The following CYB5RL variants were observed in gnomAD, a reference collection of about 807,000 sequenced individuals.
CYB5RL encodes NADH-cytochrome b5 reductase-like.
In CYB5RL, 38 loss-of-function variants were observed where a neutral mutation model predicts 37.5. The observed-to-expected ratio is 1.01, with a 90% CI of 0.78 to 1.33. CYB5RL has a LOEUF of 1.33. CYB5RL is among the 40% of genes most tolerant of loss of function. The pLI, the probability that CYB5RL is intolerant of heterozygous loss-of-function variation, is 0.00. For missense variants in CYB5RL, 388 were observed against 394.4 expected (o/e 0.98, Z 0.14); for synonymous variants, 141 against 151.9 (o/e 0.93, Z 0.53).
In CYB5RL at chr1:54,172,333, A is replaced by ATTTTTT. The variant is rs202061876; in HGVS notation, c.*2285_*2286insAAAAAA. The ATTTTTT allele has an allele frequency of 2.6e-5, 2 of 77,946 alleles. No homozygotes were observed. Among genetic ancestry groups the ATTTTTT allele is most frequent in the East Asian group, 3.9e-4 (1 of 2,542 alleles). 4.8% of individuals were successfully genotyped at this position (77,946 alleles called of 1,614,324 possible). On this transcript the variant is annotated 3_prime_UTR_variant, in exon 8 of 8. Coordinates refer to ENST00000534324, the MANE Select transcript of CYB5RL (RefSeq NM_001031672.4). ...AGGCGCATACCACCACATAAGGTTA[A>ATTTTTT]TCTTTTTTTTTTTTTTTTTTTTGTA...
chr1:54,171,387 G>T lies in CYB5RL; in HGVS notation c.*3232C>A. On this transcript the variant is annotated 3_prime_UTR_variant, in exon 8 of 8. Coordinates refer to ENST00000534324, the MANE Select transcript of CYB5RL (RefSeq NM_001031672.4). ...ACAGGGAAGGATTTCAAGCAGGGGA[G>T]TGACAGGCTTGGATTTGTGTGTGGG... 2.2e-6 allele frequency: 1 copy of T among 456,398 alleles called. No individual in the cohort carries two copies. Among genetic ancestry groups the T allele is most frequent in the Non-Finnish European group, 4.4e-6 (1 of 226,814 alleles). The allele number at this position is 456,398 out of a possible 1,614,324, so 28.3% of individuals were successfully genotyped here. A position where few individuals can be genotyped will look rare whatever the true frequency, so the allele number is the denominator to read the frequency against.
In CYB5RL at chr1:54,179,256, C is replaced by T; in HGVS notation, c.637G>A (p.Val213Ile). 1 of 1,613,846 alleles carries T rather than the reference C, an allele frequency of 6.2e-7. No homozygotes were observed. Among genetic ancestry groups the T allele is most frequent in the Non-Finnish European group, 8.5e-7 (1 of 1,179,846 alleles). Residue 213 changes from valine (V) to isoleucine (I), a missense_variant, in exon 7 of 8, where the codon GTC becomes ATC. Coordinates refer to ENST00000534324, the MANE Select transcript of CYB5RL (RefSeq NM_001031672.4). ...ITDNENDETF[V>I]TLVGCFKTFE... ...GTCTTGAAGCAACCGACCAGAGTGA[C>T]AAAAGTCTCGTCATTCTCATTGTCT...
At chr1:54,197,847 C>A (rs371222937) in intron 1 of CYB5RL, among the ~76,000 whole-genome samples, 1 of 151,724 alleles carries the variant, frequency 6.6e-6, no homozygotes, top group East Asian at 1.9e-4. Context: ...CGGTGAAACC[C>A]CGTCTCTGCT....
chr1:54,197,543 C>T (rs541642279), intron 1 of CYB5RL, among the ~76,000 whole-genome samples: 1 of 152,172 alleles, frequency 6.6e-6, no homozygotes, highest in South Asian at 2.1e-4. Context: ...CTGTGAAGGG[C>T]ATCTATGCAT....
Position 54,195,646 on chromosome 1 carries a change from A to G in CYB5RL, c.-30T>C. ...GGGGCTTGGGCAGCCTAGAAGGAAC[A>G]ACTGGGTGCTCTTCCAGAACAGGCC... is the stretch of plus-strand genomic sequence containing the variant. On this transcript the variant is annotated 5_prime_UTR_variant, in exon 3 of 8. Transcript: ENST00000534324. 6.4e-7 allele frequency: 1 copy of G among 1,574,460 alleles called. No individual in the cohort carries two copies. Among genetic ancestry groups the G allele is most frequent in the East Asian group, 2.3e-5 (1 of 44,326 alleles).
chr1:54,180,053 G>A (rs548484131), intron 6 of CYB5RL: 18 of 451,058 alleles, frequency 4.0e-5, no homozygotes, highest in African/African-American at 2.2e-4. Context: ...CGAGACCAAC[G>A]TGGCAAAACT....
In CYB5RL at chr1:54,190,863, C is replaced by A; in HGVS notation, c.232G>T (p.Val78Leu). 1 of 1,611,310 alleles carries A rather than the reference C, an allele frequency of 6.2e-7. No homozygotes were observed. Among genetic ancestry groups the A allele is most frequent in the Non-Finnish European group, 8.5e-7 (1 of 1,178,916 alleles). Residue 78 changes from valine (V) to leucine (L), a missense_variant, in exon 4 of 8, where the codon GTG (valine) becomes TTG (leucine). Coordinates refer to ENST00000534324, the MANE Select transcript of CYB5RL (RefSeq NM_001031672.4). ...CPSKLNPETF[V>L]AFCIIAMDRL... Reference sequence around the variant, plus strand: ...TCCATGGCAATGATGCAGAAGGCCACGAAGGTCTCTGGGTTCAGCTTGGAG... The same window carrying A: ...TCCATGGCAATGATGCAGAAGGCCAAGAAGGTCTCTGGGTTCAGCTTGGAG...
intron 3 of CYB5RL, among the ~76,000 whole-genome samples, chr1:54,193,709 T>A (rs1379606625): frequency 6.6e-6 from 1 of 152,040 alleles, no homozygotes; most frequent in Non-Finnish European, 1.5e-5. Flanking sequence ...GTACAGTGGC[T>A]CACACCTATA....
intron 4 of CYB5RL, among the ~76,000 whole-genome samples, chr1:54,189,215 T>C (rs1384576212): frequency 6.6e-6 from 1 of 152,100 alleles, no homozygotes. Flanking sequence ...AATAAATGCA[T>C]ATGAAACAAA....
chr1:54,174,947 C>T (rs552715682), intron 7 of CYB5RL, 125 bp from the exon 8 acceptor site: 2 of 908,988 alleles, frequency 2.2e-6, no homozygotes, highest in Non-Finnish European at 3.3e-6. Flanking sequence ...AACCTATATC[C>T]AGGCCCACCA....
chr1:54,192,102 C>A (rs1189401253), intron 3 of CYB5RL, among the ~76,000 whole-genome samples: 3 of 151,482 alleles, frequency 2.0e-5, no homozygotes, highest in Non-Finnish European at 4.4e-5. Flanking sequence ...ATTATTGCTT[C>A]ATTAAAAGTT....
At chr1:54,178,492 G>A (rs1660076772) in intron 7 of CYB5RL, among the ~76,000 whole-genome samples, 1 of 152,150 alleles carries the variant, frequency 6.6e-6, no homozygotes, top group Non-Finnish European at 1.5e-5. Context: ...CTAACCTATG[G>A]GGGTGGCCCC....
intron 5 of CYB5RL, among the ~76,000 whole-genome samples, chr1:54,187,138 G>T (rs11810936): frequency 0.014 from 2,115 of 152,044 alleles, 52 homozygotes; most frequent in African/African-American, 0.048. Flanking sequence ...CCTATTCCTT[G>T]GGTCTCCAGG....
Position 54,173,247 on chromosome 1 carries a change from A to C in CYB5RL, c.*1372T>G, listed in dbSNP as rs938776713. 6.6e-6 allele frequency: 1 copy of C among 152,200 alleles called. No individual in the cohort carries two copies. Among genetic ancestry groups the C allele is most frequent in the African/African-American group, 2.4e-5 (1 of 41,454 alleles). The allele number at this position is 152,200 out of a possible 1,614,324, so 9.4% of individuals were successfully genotyped here. ...TTGCCATTTTTTTTAGTGGCTAGGA[A>C]AATCCTTTTGTACAAATAAAAATAA... On this transcript the variant is annotated 3_prime_UTR_variant, in exon 8 of 8. Coordinates refer to ENST00000534324, the MANE Select transcript of CYB5RL (RefSeq NM_001031672.4).
Position 54,195,677 on chromosome 1 carries a change from C to T in CYB5RL, c.-61G>A. ...GTGCTCTTCCAGAACAGGCCAGGCT[C>T]TATGAGACCACGGGCGCAGGCCCTG... is the stretch of plus-strand genomic sequence containing the variant. On this transcript the variant is annotated 5_prime_UTR_variant, in exon 3 of 8. An upstream open reading frame in the 5' UTR loses its in-frame stop. Transcript: ENST00000534324. 1.3e-6 allele frequency: 2 copies of T among 1,524,014 alleles called. No homozygotes were observed. The highest frequency in any genetic ancestry group is 1.8e-6 in the Non-Finnish European group (2 of 1,130,172). The allele number at this position is 1,524,014 out of a possible 1,614,324, so 94.4% of individuals were successfully genotyped here.
chr1:54,192,219 C>T (rs1446987320), intron 3 of CYB5RL, among the ~76,000 whole-genome samples: 1 of 134,386 alleles, frequency 7.4e-6, no homozygotes, highest in Non-Finnish European at 1.5e-5. Flanking sequence ...GAGTCTCGCT[C>T]TGTTGCCCAG....
At chr1:54,192,091 T>C (rs921148033) in intron 3 of CYB5RL, among the ~76,000 whole-genome samples, 6 of 152,246 alleles carry the variant, frequency 3.9e-5, no homozygotes, top group Admixed American at 3.9e-4. Flanking sequence ...CTTTTCCTAT[T>C]ATTATTGCTT....
Position 54,174,423 on chromosome 1 carries a change from AGGCC to A in CYB5RL, c.*192_*195del. The A allele has an allele frequency of 1.6e-6, 1 of 625,138 alleles. No homozygotes were observed. The highest frequency in any genetic ancestry group is 2.8e-6 in the Non-Finnish European group (1 of 361,136). The allele number at this position is 625,138 out of a possible 1,614,324, so 38.7% of individuals were successfully genotyped here. On this transcript the variant is annotated 3_prime_UTR_variant, in exon 8 of 8. Transcript: ENST00000534324. ...GCCCATCCTCCTTCTACATAGTAGG[AGGCC>A]AGGAGGAGTGATTAACCTCATGGGG...
At position 54,174,616 on chromosome 1, in the gene CYB5RL, G is replaced by T; in HGVS notation, c.*3C>A. On this transcript the variant is annotated 3_prime_UTR_variant, in exon 8 of 8. Transcript: ENST00000534324. ...GGCCTAGGCTTTGGAAGAGAGGCCAGGGCTAGAAGAGGAAATAGGAGTCCT... is the reference window on the plus strand; with the variant it reads ...GGCCTAGGCTTTGGAAGAGAGGCCATGGCTAGAAGAGGAAATAGGAGTCCT... The T allele has an allele frequency of 6.2e-7, 1 of 1,604,266 alleles. No homozygotes were observed. Among genetic ancestry groups the T allele is most frequent in the Admixed American group, 1.7e-5 (1 of 58,582 alleles).
Sources: gnomAD v4.1 joint callset for allele counts (sites outside exome capture counted in the v4.1 genomes callset) on GRCh38, gnomAD v4.1.1 for gene constraint, MANE v1.5 for transcripts, NCBI Gene and HGNC (gene_info 2026-07-23, HGNC 2026-07-21) for gene names.